COL12A1: variants seen among roughly 807,000 people sequenced by gnomAD.
COL12A1 encodes collagen alpha-1(XII) chain.
Under a neutral mutation model 349.7 loss-of-function variants are expected in COL12A1, and 114 were observed. That is an observed-to-expected ratio of 0.33 (90% CI 0.28 to 0.38). The LOEUF (loss-of-function observed/expected upper bound fraction) is 0.38, where lower values mean the gene tolerates loss of function less well. Ranked by LOEUF, COL12A1 falls within the 10% of genes least tolerant of loss-of-function variation. COL12A1 has a pLI of 1.00. For missense variants in COL12A1, 3,284 were observed against 3,756.9 expected (o/e 0.87, Z 3.29); for synonymous variants, 1,369 against 1,329.0 (o/e 1.03, Z -0.66).
Position 75,165,776 on chromosome 6 carries a change from C to T in COL12A1, c.2714G>A (p.Arg905His), listed in dbSNP as rs369193482. 1.2e-4 allele frequency: 197 copies of T among 1,610,470 alleles called. No homozygotes were observed. Among genetic ancestry groups the T allele is most frequent in the Middle Eastern group, 1.7e-4 (1 of 6,036 alleles). Residue 905 changes from arginine (R) to histidine (H), a missense_variant, in exon 14 of 66, where the codon CGT (arginine) becomes CAT (histidine). This residue lies in a region of COL12A1 where 2,601 missense variants were observed against 2,824.8 expected (regional missense o/e 0.92). Coordinates refer to ENST00000322507, the MANE Select transcript of COL12A1 (RefSeq NM_004370.6). The part of the protein sequence containing the change: ...LFGEGTTLEE[R>H]GSPQDLVTKD... Reference sequence around the variant, plus strand: ...AGTAACTAAATCTTGAGGAGAACCACGTTCTAGAACAGAAATTAAAAGGGA... The same window carrying T: ...AGTAACTAAATCTTGAGGAGAACCATGTTCTAGAACAGAAATTAAAAGGGA...
At chr6:75,129,520 T>C (rs1766195551) in intron 37 of COL12A1, among the ~76,000 whole-genome samples, 1 of 152,186 alleles carries the variant, frequency 6.6e-6, no homozygotes, top group South Asian at 2.1e-4. Context: ...GTGAGGGCTA[T>C]GAGGAAGCTA....
chr6:75,149,165 A>G (rs1029599654), intron 21 of COL12A1, among the ~76,000 whole-genome samples: 1 of 152,054 alleles, frequency 6.6e-6, no homozygotes, highest in Non-Finnish European at 1.5e-5. Context: ...AAGACCTCTG[A>G]ATCACCTTTT....
intron 35 of COL12A1, 25 bp downstream of exon 35, chr6:75,131,915 C>G (rs1472979337): frequency 6.2e-7 from 1 of 1,611,496 alleles, no homozygotes. Context: ...CCAGGAAATG[C>G]AGTTTCCATG....
intron 10 of COL12A1, among the ~76,000 whole-genome samples, chr6:75,182,363 C>G (rs187921015): frequency 2.0e-5 from 3 of 151,992 alleles, no homozygotes; most frequent in East Asian, 1.9e-4. Context: ...CTCCCCCAGC[C>G]CCCCCACCTT....
chr6:75,145,725 G>A (rs931058628), intron 24 of COL12A1, among the ~76,000 whole-genome samples: 1 of 150,030 alleles, frequency 6.7e-6, no homozygotes, highest in Non-Finnish European at 1.5e-5. Flanking sequence ...TCCACCTCCC[G>A]GGTTCAAGCA....
chr6:75,113,032 T>A, intron 51 of COL12A1, 172 bp downstream of exon 51: 1 of 414,842 alleles, frequency 2.4e-6, no homozygotes, highest in Non-Finnish European at 4.2e-6. Context: ...TCTTGATTAG[T>A]ATATTGTTTT....
chr6:75,147,489 G>GA (rs1282858523), intron 23 of COL12A1, among the ~76,000 whole-genome samples, 186 bp downstream of exon 23: 14 of 152,178 alleles, frequency 9.2e-5, no homozygotes, highest in Non-Finnish European at 1.8e-4. Flanking sequence ...CATGATGGCA[G>GA]AATCAGCCAG....
At position 75,189,223 on chromosome 6, in the gene COL12A1, A is replaced by T. The variant is rs1472307140; in HGVS notation, c.817T>A (p.Ser273Thr). 9 of 1,612,692 alleles carry T rather than the reference A, an allele frequency of 5.6e-6. No individual in the cohort carries two copies. Among genetic ancestry groups the T allele is most frequent in the Non-Finnish European group, 7.6e-6 (9 of 1,179,252 alleles). Residue 273 changes from serine (S) to threonine (T), a missense_variant, in exon 7 of 66, where the codon TCC becomes ACC. Coordinates refer to ENST00000322507, the MANE Select transcript of COL12A1 (RefSeq NM_004370.6). ...TTAACTGAACTTAACCTACCCAAGG[A>T]GAAAACTTCAACTCCAACATTACGA... ...ELRNVGVEVF[S>T]LGIKAADAKE...
chr6:75,180,323 A>T (rs1008570553), intron 11 of COL12A1, among the ~76,000 whole-genome samples: 2 of 152,116 alleles, frequency 1.3e-5, no homozygotes, highest in African/African-American at 2.4e-5. Flanking sequence ...TAGAGACAGA[A>T]AATAGAATGG....
In COL12A1 at chr6:75,090,053, ACTC is replaced by A; in HGVS notation, c.8941+54_8941+56del. ...TTTCAGATGCCTTCAACCTGTCCCA[ACTC>A]CTACATTTGCAAATTCCTTCCTTTA... On this transcript the variant is annotated intron_variant, in intron 63 of 65. Coordinates refer to ENST00000322507, the MANE Select transcript of COL12A1 (RefSeq NM_004370.6). The surrounding 1 kb of genome is among the most constrained non-coding windows in gnomAD (Gnocchi z 4.1). 1 of 1,589,712 alleles carries A rather than the reference ACTC, an allele frequency of 6.3e-7. No homozygotes were observed. Among genetic ancestry groups the A allele is most frequent in the Non-Finnish European group, 8.6e-7 (1 of 1,162,836 alleles).
intron 8 of COL12A1, among the ~76,000 whole-genome samples, 189 bp downstream of exon 8, chr6:75,188,173 T>C (rs1471497990): frequency 6.6e-6 from 1 of 152,076 alleles, no homozygotes; most frequent in Non-Finnish European, 1.5e-5. Flanking sequence ...TACTGAATGT[T>C]CCACTAGAAG....
chr6:75,121,196 A>G (rs1765711172), intron 44 of COL12A1, 106 bp downstream of exon 44: 1 of 1,023,478 alleles, frequency 9.8e-7, no homozygotes, highest in African/African-American at 1.6e-5. Flanking sequence ...AAATAGGAGA[A>G]GGTCAAAACA....
chr6:75,097,180 G>C, intron 59 of COL12A1, 73 bp downstream of exon 59: 1 of 1,279,808 alleles, frequency 7.8e-7, no homozygotes, highest in Non-Finnish European at 1.1e-6. Context: ...GTGCTTCAAA[G>C]GCAGGTTACT....
At position 75,087,686 on chromosome 6, in the gene COL12A1, G is replaced by T. The variant is rs572512247; in HGVS notation, c.9072C>A (p.Gly3024=). 1.1e-5 allele frequency: 18 copies of T among 1,610,234 alleles called. No individual in the cohort carries two copies. In the African/African-American group the frequency reaches 1.2e-4, roughly 11 times the overall value. ...PGSTGSRGPP[G]PPGRPGNSGI... The stretch of plus-strand genomic sequence containing the variant: ...CTGAGTTTCCAGGACGGCCAGGGGG[G>T]CCAGGGGGACCTCTTGAACCTGTGG... Residue 3024 remains glycine (G), a synonymous_variant, in exon 65 of 66, where the codon GGC becomes GGA. Transcript: ENST00000322507.
intron 27 of COL12A1, among the ~76,000 whole-genome samples, chr6:75,140,336 G>C (rs914973538): frequency 6.6e-6 from 1 of 152,174 alleles, no homozygotes; most frequent in Non-Finnish European, 1.5e-5. Context: ...GAGTCAAAAA[G>C]GGAGAAGTGG....
intron 25 of COL12A1, among the ~76,000 whole-genome samples, chr6:75,144,786 G>A (rs1367035760): frequency 6.6e-6 from 1 of 152,160 alleles, no homozygotes. Context: ...CCAGTGACTG[G>A]CATATAATAG....
Position 75,147,810 on chromosome 6 carries a change from G to A in COL12A1, c.4288-6C>T, listed in dbSNP as rs768371908. 27 of 1,610,658 alleles carry A rather than the reference G, an allele frequency of 1.7e-5. No homozygotes were observed. Among genetic ancestry groups the A allele is most frequent in the Non-Finnish European group, 2.1e-5 (25 of 1,178,830 alleles). On this transcript the variant is annotated splice_region_variant and splice_polypyrimidine_tract_variant and intron_variant, in intron 22 of 65. Coordinates refer to ENST00000322507, the MANE Select transcript of COL12A1 (RefSeq NM_004370.6). ...TCCATTCGACTCACATAAAACTAGG[G>A]GGAAAAATTAAACAGAGCAACAACG...
chr6:75,122,073 G>C (rs1341039387), intron 43 of COL12A1, among the ~76,000 whole-genome samples: 7 of 151,944 alleles, frequency 4.6e-5, no homozygotes, highest in African/African-American at 1.7e-4. Flanking sequence ...TGGCCATGAT[G>C]GTCTCGATCC....
rs1766157083 is a variant in COL12A1 at position 75,128,908 on chromosome 6, T to C, written c.6211-483A>G. Among the ~76,000 whole-genome samples the C allele has an allele frequency of 2.0e-5, 3 of 152,316 alleles. No individual in the cohort carries two copies. In the South Asian group the frequency reaches 6.2e-4, roughly 32 times the overall value. The stretch of plus-strand genomic sequence containing the variant: ...GACTAACTTTCTGGCCTCAAAAATA[T>C]CAGTTTGGCTGACACTAGTTAGCTG... On this transcript the variant is annotated intron_variant, in intron 37 of 65. Coordinates refer to ENST00000322507, the MANE Select transcript of COL12A1 (RefSeq NM_004370.6).
Sources: gnomAD v4.1 joint callset for allele counts (sites outside exome capture counted in the v4.1 genomes callset) on GRCh38, gnomAD v4.1.1 for gene constraint, gnomAD v4.1.1 regional missense constraint, Gnocchi (gnomAD v3.1) non-coding constraint, MANE v1.5 for transcripts, NCBI Gene and HGNC (gene_info 2026-07-23, HGNC 2026-07-21) for gene names.